CACNA2D3: variants seen among roughly 807,000 people sequenced by gnomAD.
CACNA2D3 encodes calcium voltage-gated channel auxiliary subunit alpha2delta 3.
CACNA2D3 carries 60 observed loss-of-function variants against 160.6 expected under a neutral mutation model. That is an observed-to-expected ratio of 0.37 (90% CI 0.30 to 0.46). The LOEUF is 0.46. Ranked by LOEUF, CACNA2D3 falls within the 20% of genes least tolerant of loss-of-function variation. The pLI is 1.00. For synonymous variants in CACNA2D3, 558 were observed against 492.9 expected (o/e 1.13, Z -1.75); for missense variants, 1,205 against 1,365.0 (o/e 0.88, Z 1.85).
chr3:55,017,699 T>G (rs1450484609), intron 34 of CACNA2D3, among the ~76,000 whole-genome samples: 1 of 152,194 alleles, frequency 6.6e-6, no homozygotes, highest in Non-Finnish European at 1.5e-5. Context: ...AATTGACATG[T>G]TGTATTATTG....
chr3:54,770,223 G>A (rs1325299603), intron 13 of CACNA2D3, among the ~76,000 whole-genome samples: 1 of 152,136 alleles, frequency 6.6e-6, no homozygotes, highest in Non-Finnish European at 1.5e-5. Flanking sequence ...TCTGTTTTTA[G>A]TAGTGGTATT....
chr3:54,255,817 C>A (rs1702281954), intron 2 of CACNA2D3, among the ~76,000 whole-genome samples: 1 of 152,148 alleles, frequency 6.6e-6, no homozygotes, highest in Admixed American at 6.5e-5. Context: ...TCTCTCAAAT[C>A]ATCTCAAATG....
intron 31 of CACNA2D3, among the ~76,000 whole-genome samples, chr3:54,992,741 C>A (rs972471799): frequency 1.4e-5 from 2 of 147,890 alleles, no homozygotes; most frequent in Non-Finnish European, 3.0e-5. Flanking sequence ...TTGTGTTAGT[C>A]GGTTCTCACA....
chr3:54,297,957 C>A (rs1703378048), intron 2 of CACNA2D3, among the ~76,000 whole-genome samples: 1 of 152,194 alleles, frequency 6.6e-6, no homozygotes, highest in Non-Finnish European at 1.5e-5. Context: ...TCCCCAACAC[C>A]ACCCCAGATC....
Position 54,405,647 on chromosome 3 carries a change from G to A in CACNA2D3, c.381+18873G>A, listed in dbSNP as rs139299959. 9.2e-5 allele frequency among the ~76,000 whole-genome samples: 14 copies of A among 152,008 alleles called. No homozygotes were observed. In the East Asian group the frequency reaches 2.7e-3, roughly 29 times the overall value. On this transcript the variant is annotated intron_variant, in intron 4 of 37. Coordinates refer to ENST00000474759, the MANE Select transcript of CACNA2D3 (RefSeq NM_018398.3). ...AAATATAGGGGGTAAACTCCTTGAC[G>A]GTGACCTTGACAGTGATTTCTTGGA...
At chr3:54,803,388 A>G (rs956965114) in intron 13 of CACNA2D3, among the ~76,000 whole-genome samples, 8 of 152,240 alleles carry the variant, frequency 5.3e-5, no homozygotes, top group African/African-American at 1.7e-4. Flanking sequence ...GCTGAAAGCC[A>G]AGGCTCAAGA....
chr3:54,644,647 A>G (rs1699599416), intron 11 of CACNA2D3, among the ~76,000 whole-genome samples: 1 of 152,236 alleles, frequency 6.6e-6, no homozygotes, highest in Non-Finnish European at 1.5e-5. Flanking sequence ...GAAAAAAATG[A>G]TCTCAAGGCT....
intron 2 of CACNA2D3, among the ~76,000 whole-genome samples, chr3:54,171,956 C>T (rs1700579785): frequency 6.6e-6 from 1 of 152,246 alleles, no homozygotes; most frequent in Non-Finnish European, 1.5e-5. Context: ...AAAGATCTCA[C>T]TGTCTCCTTC....
At chr3:54,618,595 G>A (rs187790103) in intron 9 of CACNA2D3, among the ~76,000 whole-genome samples, 4 of 152,198 alleles carry the variant, frequency 2.6e-5, no homozygotes, top group Admixed American at 1.3e-4. Flanking sequence ...TACAGAAAAA[G>A]TCCAAATTTA....
At chr3:54,816,292 C>T (rs942355626) in intron 13 of CACNA2D3, among the ~76,000 whole-genome samples, 1 of 152,172 alleles carries the variant, frequency 6.6e-6, no homozygotes, top group Non-Finnish European at 1.5e-5. Context: ...CCTTTATATA[C>T]AGCAGGGTTT....
At chr3:54,242,348 CA>C (rs202166458) in intron 2 of CACNA2D3, among the ~76,000 whole-genome samples, 1,526 of 152,238 alleles carry the variant, frequency 0.01, 20 homozygotes, top group African/African-American at 0.034. Flanking sequence ...GAGGCTGAGG[CA>C]GGATAATCAC....
At chr3:54,798,546 AT>A (rs1702918472) in intron 13 of CACNA2D3, among the ~76,000 whole-genome samples, 1 of 152,168 alleles carries the variant, frequency 6.6e-6, no homozygotes, top group African/African-American at 2.4e-5. Context: ...AAAAAAAAGA[AT>A]GGACCAGAGT....
At chr3:54,247,829 C>T (rs1702109488) in intron 2 of CACNA2D3, among the ~76,000 whole-genome samples, 1 of 151,506 alleles carries the variant, frequency 6.6e-6, no homozygotes, top group Non-Finnish European at 1.5e-5. Context: ...TGCCCAACAC[C>T]CAAGACATAC....
In CACNA2D3 at chr3:54,562,837, T is replaced by C; in HGVS notation, c.582T>C (p.Ser194=). The stretch of plus-strand genomic sequence containing the variant: ...TCAATGGGGTTTATTGGTCTGAATC[T>C]CTAAACAAAGTTTTTGTAGATAACT... ...AIVNGVYWSE[S]LNKVFVDNFD... is the part of the protein sequence containing the mutation. Residue 194 remains serine, a synonymous_variant, in exon 6 of 38, where the codon TCT becomes TCC. Transcript: ENST00000474759. 6.2e-7 allele frequency: 1 copy of C among 1,613,124 alleles called. No individual in the cohort carries two copies. Among genetic ancestry groups the C allele is most frequent in the Non-Finnish European group, 8.5e-7 (1 of 1,179,146 alleles).
chr3:54,347,666 A>C (rs989120387), intron 3 of CACNA2D3, among the ~76,000 whole-genome samples: 5 of 151,992 alleles, frequency 3.3e-5, no homozygotes, highest in African/African-American at 1.2e-4. Flanking sequence ...AAAAAAAAAA[A>C]ACAAAAAACA....
chr3:54,812,028 TTAC>T, intron 13 of CACNA2D3, among the ~76,000 whole-genome samples: 1 of 152,220 alleles, frequency 6.6e-6, no homozygotes, highest in Non-Finnish European at 1.5e-5. Flanking sequence ...TCACCTGTCA[TTAC>T]TGCTGTCTTC....
intron 13 of CACNA2D3, among the ~76,000 whole-genome samples, chr3:54,769,761 G>A (rs1325139992): frequency 1.3e-5 from 2 of 152,176 alleles, no homozygotes; most frequent in Non-Finnish European, 2.9e-5. Flanking sequence ...GTCTCACATA[G>A]TAGCTACATG....
intron 11 of CACNA2D3, among the ~76,000 whole-genome samples, chr3:54,665,562 A>T (rs950985112): frequency 3.3e-5 from 5 of 152,166 alleles, no homozygotes; most frequent in Non-Finnish European, 7.3e-5. Context: ...TGTGTAAATG[A>T]CCACATGTAC....
At chr3:54,437,225 T>C (rs925285522) in intron 4 of CACNA2D3, among the ~76,000 whole-genome samples, 1 of 152,246 alleles carries the variant, frequency 6.6e-6, no homozygotes, top group Non-Finnish European at 1.5e-5. Flanking sequence ...AATAGTTTTT[T>C]CAATGAGCCG....
Sources: allele counts gnomAD v4.1 joint callset (sites outside exome capture counted in the v4.1 genomes callset), GRCh38; gene constraint gnomAD v4.1.1; transcripts MANE v1.5; gene names NCBI Gene and HGNC (gene_info 2026-07-23, HGNC 2026-07-21).